GAN: variants seen among roughly 807,000 people sequenced by gnomAD.
The protein encoded by GAN is epididymis secretory sperm binding protein.
Under a neutral mutation model 71.3 loss-of-function variants are expected in GAN, and 48 were observed. The ratio of observed to expected loss-of-function variants is 0.67; its 90% CI spans 0.53 to 0.86. GAN has a LOEUF of 0.86. Among genes scored for constraint, GAN ranks in the 40% least tolerant of loss-of-function variants. The probability of loss-of-function intolerance (pLI) is 0.00; values close to 1 mark genes in which losing one functional copy is unlikely to be tolerated. For synonymous variants in GAN, 386 were observed against 276.8 expected (o/e 1.39, Z -3.92); for missense variants, 928 against 770.1 (o/e 1.21, Z -2.43).
At position 81,355,307 on chromosome 16, in the gene GAN, C is replaced by T. The variant is rs374609874; in HGVS notation, c.633+552C>T. Among the ~76,000 whole-genome samples, 27 of 152,282 alleles carry T rather than the reference C, an allele frequency of 1.8e-4. No individual in the cohort carries two copies. In the South Asian group the frequency reaches 5.4e-3, roughly 30 times the overall value. On this transcript the variant is annotated intron_variant, in intron 3 of 10. Coordinates refer to ENST00000648994, the MANE Select transcript of GAN (RefSeq NM_022041.4). ...AGTGAAGGTCTTAAAGAATATCAGC[C>T]TCTAGATCCAAATTGTGAATACCTT... is the stretch of plus-strand genomic sequence containing the variant.
intron 1 of GAN, among the ~76,000 whole-genome samples, chr16:81,345,003 C>G (rs750422618): frequency 2.6e-5 from 4 of 152,146 alleles, no homozygotes; most frequent in South Asian, 4.1e-4. Context: ...TGAAAAAATG[C>G]TCATCATAAC....
At chr16:81,359,111 C>T (rs1479030555) in intron 5 of GAN, among the ~76,000 whole-genome samples, 1 of 152,114 alleles carries the variant, frequency 6.6e-6, no homozygotes, top group East Asian at 1.9e-4. Context: ...TAGTTATTGT[C>T]AGTAGTGAAG....
chr16:81,369,252 C>T (rs892326994), intron 9 of GAN, among the ~76,000 whole-genome samples: 1 of 152,166 alleles, frequency 6.6e-6, no homozygotes, highest in African/African-American at 2.4e-5. Context: ...TTGGGAGCCA[C>T]CATGACAACA....
intron 1 of GAN, among the ~76,000 whole-genome samples, chr16:81,325,990 C>G (rs916354623): frequency 1.1e-4 from 17 of 152,182 alleles, no homozygotes; most frequent in African/African-American, 4.1e-4. Context: ...ATTCATCCTT[C>G]AAGGCCTGGT....
At position 81,353,212 on chromosome 16, in the gene GAN, A is replaced by C. The variant is rs1347311301; in HGVS notation, c.283-1193A>C. ...AGGCTGAGGCAGGAGAATGGCGTGA[A>C]CCCCAGGGGGCGGAGCCTGCAGTGA... On this transcript the variant is annotated intron_variant, in intron 2 of 10. Transcript: ENST00000648994. Among the ~76,000 whole-genome samples the C allele has an allele frequency of 4.1e-5, 6 of 145,718 alleles. No individual in the cohort carries two copies. In the East Asian group the frequency reaches 1.3e-3, roughly 31 times the overall value.
intron 9 of GAN, among the ~76,000 whole-genome samples, chr16:81,375,023 TAGG>T (rs1279268936): frequency 6.6e-6 from 1 of 152,100 alleles, no homozygotes; most frequent in East Asian, 1.9e-4. Context: ...GAAGAGAGCA[TAGG>T]AGAAAAATCT....
chr16:81,316,531 A>G (rs1473787565), intron 1 of GAN, among the ~76,000 whole-genome samples: 4 of 152,138 alleles, frequency 2.6e-5, no homozygotes, highest in Admixed American at 1.3e-4. Flanking sequence ...TAGCATCGTT[A>G]GTACAGAATT....
chr16:81,350,557 C>G (rs1186516239), intron 1 of GAN, among the ~76,000 whole-genome samples: 1 of 151,254 alleles, frequency 6.6e-6, no homozygotes, highest in African/African-American at 2.4e-5. Context: ...GCTCTGTCAC[C>G]TAGGCTGGAG....
chr16:81,373,975 T>A (rs1283732093), intron 9 of GAN, among the ~76,000 whole-genome samples: 1 of 152,202 alleles, frequency 6.6e-6, no homozygotes, highest in Non-Finnish European at 1.5e-5. Flanking sequence ...TCTCTTGACT[T>A]CGTGATCCAC....
intron 1 of GAN, among the ~76,000 whole-genome samples, chr16:81,338,556 G>A (rs900918476): frequency 4.3e-4 from 65 of 152,174 alleles, no homozygotes; most frequent in African/African-American, 1.5e-3. Context: ...AGGCGAAAAT[G>A]TTTTGGTAGG....
chr16:81,326,732 A>G (rs1909402114), intron 1 of GAN, among the ~76,000 whole-genome samples: 4 of 152,250 alleles, frequency 2.6e-5, no homozygotes, highest in African/African-American at 9.6e-5. Flanking sequence ...CCACAGACCT[A>G]TACAGCATGT....
At chr16:81,343,800 T>C (rs1053866941) in intron 1 of GAN, among the ~76,000 whole-genome samples, 3 of 152,164 alleles carry the variant, frequency 2.0e-5, no homozygotes, top group African/African-American at 7.2e-5. Context: ...ATAAAGCGTA[T>C]TGAAATAGGA....
chr16:81,343,045 C>G (rs939109449), intron 1 of GAN, among the ~76,000 whole-genome samples: 7 of 152,274 alleles, frequency 4.6e-5, no homozygotes, highest in Middle Eastern at 3.4e-3. Flanking sequence ...GGATAAATTC[C>G]TGGACACATA....
At chr16:81,371,610 C>T (rs893795807) in intron 9 of GAN, among the ~76,000 whole-genome samples, 16 of 152,086 alleles carry the variant, frequency 1.1e-4, no homozygotes, top group South Asian at 4.1e-4. Context: ...TGAGTGGATG[C>T]GCACAAATTG....
At chr16:81,354,997 G>A (rs752961974) in intron 3 of GAN, among the ~76,000 whole-genome samples, 19 of 152,174 alleles carry the variant, frequency 1.2e-4, no homozygotes, top group Non-Finnish European at 2.1e-4. Context: ...AATATCCTTT[G>A]TATGTTGTTT....
At chr16:81,325,370 C>T (rs1555508908) in intron 1 of GAN, among the ~76,000 whole-genome samples, 1 of 152,102 alleles carries the variant, frequency 6.6e-6, no homozygotes, top group Non-Finnish European at 1.5e-5. Context: ...TGAAAGGGGA[C>T]AGCAGGGCCA....
intron 9 of GAN, among the ~76,000 whole-genome samples, chr16:81,367,700 T>C (rs1476998290): frequency 6.6e-6 from 1 of 152,222 alleles, no homozygotes; most frequent in Admixed American, 6.5e-5. Context: ...ATGCCATGTA[T>C]TTAATCTTCA....
chr16:81,364,842 A>C (rs1220970957), intron 7 of GAN, 132 bp from the exon 8 acceptor site: 1 of 865,228 alleles, frequency 1.2e-6, no homozygotes, highest in Non-Finnish European at 2.0e-6. Context: ...ACTGAAAAGC[A>C]CCATCGTTTT....
At chr16:81,343,628 A>G (rs1164530871) in intron 1 of GAN, among the ~76,000 whole-genome samples, 1 of 152,210 alleles carries the variant, frequency 6.6e-6, no homozygotes, top group Non-Finnish European at 1.5e-5. Context: ...CAACATAATA[A>G]GACCTATTTA....
Sources: gnomAD v4.1 joint callset for allele counts (sites outside exome capture counted in the v4.1 genomes callset) on GRCh38, gnomAD v4.1.1 for gene constraint, MANE v1.5 for transcripts, NCBI Gene and HGNC (gene_info 2026-07-23, HGNC 2026-07-21) for gene names.